KIF6: variants seen among roughly 807,000 people sequenced by gnomAD.
The protein encoded by KIF6 is kinesin-like protein KIF6.
Under a neutral mutation model 112.7 loss-of-function variants are expected in KIF6, and 106 were observed. That is an observed-to-expected ratio of 0.94 (90% confidence interval 0.80 to 1.11). The LOEUF is 1.11. Ranked by LOEUF, KIF6 falls within the 50% of genes least tolerant of loss-of-function variation. The pLI is 0.00. For missense variants in KIF6, 929 were observed against 964.0 expected (o/e 0.96, Z 0.48); for synonymous variants, 339 against 339.9 (o/e 1.00, Z 0.03).
At chr6:39,494,949 G>T (rs1775694287) in intron 13 of KIF6, among the ~76,000 whole-genome samples, 1 of 152,132 alleles carries the variant, frequency 6.6e-6, no homozygotes, top group Admixed American at 6.5e-5. Flanking sequence ...TTTCACAGGG[G>T]AAGTGGGGAT....
intron 20 of KIF6, among the ~76,000 whole-genome samples, chr6:39,346,015 TTATAGG>T (rs1763689432): frequency 7.2e-6 from 1 of 138,294 alleles, no homozygotes; most frequent in Admixed American, 8.1e-5. Flanking sequence ...ATTAGTGTCC[TTATAGG>T]TATAAGAGGA....
chr6:39,529,014 A>G (rs1777897069), intron 13 of KIF6, among the ~76,000 whole-genome samples: 1 of 152,226 alleles, frequency 6.6e-6, no homozygotes, highest in African/African-American at 2.4e-5. Flanking sequence ...TGAACCACAC[A>G]TGTAGACTCA....
intron 3 of KIF6, among the ~76,000 whole-genome samples, chr6:39,686,854 T>C (rs112570248): frequency 1.5e-3 from 233 of 152,356 alleles, no homozygotes; most frequent in African/African-American, 5.4e-3. Flanking sequence ...TTTTTAAAGC[T>C]AGTGTATACC....
intron 13 of KIF6, among the ~76,000 whole-genome samples, chr6:39,447,644 G>A (rs1397796715): frequency 7.4e-6 from 1 of 134,374 alleles, no homozygotes; most frequent in Non-Finnish European, 1.5e-5. Flanking sequence ...TAGACACTTG[G>A]GGGAGGAAAA....
At chr6:39,426,186 A>G (rs930684953) in intron 14 of KIF6, among the ~76,000 whole-genome samples, 2 of 152,192 alleles carry the variant, frequency 1.3e-5, no homozygotes, top group African/African-American at 2.4e-5. Flanking sequence ...CTCTCTTCAT[A>G]TTATTGTATA....
In KIF6 at chr6:39,357,306, A is replaced by C. The variant is rs781485675; in HGVS notation, c.2151T>G (p.His717Gln). Residue 717 changes from histidine (H) to glutamine (Q), a missense_variant, in exon 19 of 23, where the codon CAT becomes CAG. By Grantham distance (24) the His-to-Gln change is conservative. Around this residue, in one of 2 missense-constraint regions of KIF6, gnomAD observed 241 missense variants for 301.4 expected, o/e 0.80. Coordinates refer to ENST00000287152, the MANE Select transcript of KIF6 (RefSeq NM_145027.6). ...KPFLQTSDSQ[H>Q]EWSQLLSNKS... is the part of the protein sequence containing the mutation. ...TGTTAGAGAGGAGTTGGGACCATTCATGCTGGGAGTCAGATGTCTGGAGAA... is the reference window on the plus strand; with the variant it reads ...TGTTAGAGAGGAGTTGGGACCATTCCTGCTGGGAGTCAGATGTCTGGAGAA... The C allele has an allele frequency of 6.2e-7, 1 of 1,613,900 alleles. No individual in the cohort carries two copies. Among genetic ancestry groups the C allele is most frequent in the Non-Finnish European group, 8.5e-7 (1 of 1,179,844 alleles).
At chr6:39,602,633 C>A (rs1782640819) in intron 6 of KIF6, among the ~76,000 whole-genome samples, 1 of 152,172 alleles carries the variant, frequency 6.6e-6, no homozygotes, top group Admixed American at 6.6e-5. Context: ...ACTACATCTG[C>A]AAGCTTTTTA....
At chr6:39,551,543 A>G (rs1311646993) in intron 10 of KIF6, among the ~76,000 whole-genome samples, 1 of 152,204 alleles carries the variant, frequency 6.6e-6, no homozygotes, top group Admixed American at 6.5e-5. Flanking sequence ...GGCAATGGAT[A>G]TCCCAATTCC....
At position 39,639,739 on chromosome 6, in the gene KIF6, A is replaced by G. The variant is rs750703386; in HGVS notation, c.270T>C (p.Asn90=). The part of the protein sequence containing the change: ...PVAGSVLAGY[N]GTIFAYGQTG... ...TTTGCCCATATGCAAAGATGGTACC[A>G]TTGTAACCTGCCAGGACACTGCAAT... Residue 90 remains asparagine (N), a synonymous_variant, in exon 4 of 23, where the codon AAT becomes AAC. Transcript: ENST00000287152. 8.7e-6 allele frequency: 14 copies of G among 1,611,724 alleles called. No homozygotes were observed. Among genetic ancestry groups the G allele is most frequent in the Non-Finnish European group, 1.1e-5 (13 of 1,178,824 alleles).
At chr6:39,381,113 T>C (rs1472749116) in intron 16 of KIF6, among the ~76,000 whole-genome samples, 1 of 152,176 alleles carries the variant, frequency 6.6e-6, no homozygotes, top group African/African-American at 2.4e-5. Flanking sequence ...CTTTGGGATA[T>C]GGGATTGCCT....
chr6:39,352,083 G>A (rs1764283791), intron 19 of KIF6, among the ~76,000 whole-genome samples: 1 of 152,230 alleles, frequency 6.6e-6, no homozygotes, highest in Non-Finnish European at 1.5e-5. Flanking sequence ...CAGCTGCCTA[G>A]TTATTCTGCT....
chr6:39,427,119 G>C (rs1307034958), intron 14 of KIF6, among the ~76,000 whole-genome samples: 2 of 152,204 alleles, frequency 1.3e-5, no homozygotes, highest in East Asian at 1.9e-4. Flanking sequence ...CTGAGGCTTA[G>C]AGATGAGGCA....
Position 39,664,873 on chromosome 6 carries a change from G to T in KIF6, c.252-25116C>A, listed in dbSNP as rs537015926. On this transcript the variant is annotated intron_variant, in intron 3 of 22. Coordinates refer to ENST00000287152, the MANE Select transcript of KIF6 (RefSeq NM_145027.6). ...GAATAATTTTAAATATTCTCTAAAA[G>T]ATATTTATTTACATTTTTAAAAGGG... Among the ~76,000 whole-genome samples the T allele has an allele frequency of 4.6e-5, 7 of 152,160 alleles. No homozygotes were observed. The South Asian group carries it at 1.5e-3, about 32-fold the overall frequency.
intron 3 of KIF6, among the ~76,000 whole-genome samples, chr6:39,681,640 G>A (rs1026991633): frequency 3.3e-5 from 5 of 152,134 alleles, no homozygotes; most frequent in Non-Finnish European, 7.3e-5. Flanking sequence ...GGAGGCTAGA[G>A]AAGAGGCAGG....
In KIF6 at chr6:39,332,989, C is replaced by T. The variant is rs531360424; in HGVS notation, c.*3543G>A. On this transcript the variant is annotated 3_prime_UTR_variant, in exon 23 of 23. Transcript: ENST00000287152. ...GTAAGTTGGAGCAATCATAGGGCTCCCCTCACTTGTTTCCCTTCTCTTGCG... is the reference window on the plus strand; with the variant it reads ...GTAAGTTGGAGCAATCATAGGGCTCTCCTCACTTGTTTCCCTTCTCTTGCG... 1.5e-4 allele frequency: 23 copies of T among 149,996 alleles called. No individual in the cohort carries two copies. The East Asian group carries it at 4.4e-3, about 29-fold the overall frequency. 9.3% of individuals were successfully genotyped at this position (149,996 alleles called of 1,614,324 possible).
At chr6:39,422,403 G>A (rs1017205416) in intron 14 of KIF6, among the ~76,000 whole-genome samples, 1 of 152,176 alleles carries the variant, frequency 6.6e-6, no homozygotes, top group Non-Finnish European at 1.5e-5. Flanking sequence ...GCCACGAGCT[G>A]TTCCTGTTTC....
At chr6:39,506,323 G>A (rs1234563308) in intron 13 of KIF6, among the ~76,000 whole-genome samples, 4 of 152,060 alleles carry the variant, frequency 2.6e-5, no homozygotes, top group Non-Finnish European at 4.4e-5. Flanking sequence ...ACACATGGAT[G>A]CAGGGAGGGG....
intron 3 of KIF6, among the ~76,000 whole-genome samples, chr6:39,694,954 C>G (rs982172644): frequency 6.6e-6 from 1 of 152,142 alleles, no homozygotes; most frequent in Non-Finnish European, 1.5e-5. Context: ...AAGCATAGTA[C>G]TATTACAAAA....
Position 39,457,077 on chromosome 6 carries a change from GCACCA to G in KIF6, c.1646-25921_1646-25917del, listed in dbSNP as rs1328809947. Among the ~76,000 whole-genome samples the G allele has an allele frequency of 7.5e-3, 1,083 of 144,124 alleles. 9 individuals carry two copies. The highest frequency in any genetic ancestry group is 0.03 in the Middle Eastern group (8 of 266). 94.6% of individuals were successfully genotyped at this position (144,124 alleles called of 152,430 possible). A position where few individuals can be genotyped will look rare whatever the true frequency, so the allele number is the denominator to read the frequency against. ...ATCAACAGAATATACATTTTTTTCA[GCACCA>G]CACCACACCTATTCCAAAATTGACC... On this transcript the variant is annotated intron_variant, in intron 13 of 22. Coordinates refer to ENST00000287152, the MANE Select transcript of KIF6 (RefSeq NM_145027.6).
Sources: allele counts gnomAD v4.1 joint callset (sites outside exome capture counted in the v4.1 genomes callset), GRCh38; gene constraint gnomAD v4.1.1; regional missense constraint gnomAD v4.1.1; transcripts MANE v1.5; gene names NCBI Gene and HGNC (gene_info 2026-07-23, HGNC 2026-07-21).